CCDC146: variants seen among roughly 807,000 people sequenced by gnomAD.
CCDC146 encodes coiled-coil domain containing 146.
CCDC146 carries 92 observed loss-of-function variants against 119.3 expected under a neutral mutation model. The ratio of observed to expected loss-of-function variants is 0.77; its 90% CI spans 0.65 to 0.92. The LOEUF is 0.92. Ranked by LOEUF, CCDC146 falls within the 40% of genes least tolerant of loss-of-function variation. The pLI, the probability that CCDC146 is intolerant of heterozygous loss-of-function variation, is 0.00. For missense variants in CCDC146, 1,000 were observed against 1,103.0 expected, an observed-to-expected ratio of 0.91 and a Z score of 1.32; for synonymous variants, 372 against 371.8, an observed-to-expected ratio of 1.00 and a Z score of -0.01.
In CCDC146 at chr7:77,163,003, A is replaced by T. The variant is rs183031085; in HGVS notation, c.-11-4655A>T. 7.5e-3 allele frequency among the ~76,000 whole-genome samples: 1,137 copies of T among 152,358 alleles called. 9 individuals are homozygous for T. The highest frequency in any genetic ancestry group is 0.027 in the Middle Eastern group (8 of 294). ...ATTTAGAATGTTTTCAGAATAATAG[A>T]GATTGAAAACTTTAGCAAACTGAAG... On this transcript the variant is annotated intron_variant, in intron 1 of 18. Transcript: ENST00000285871.
chr7:77,207,679 C>G (rs900485935), intron 2 of CCDC146, among the ~76,000 whole-genome samples: 11 of 152,022 alleles, frequency 7.2e-5, no homozygotes, highest in Non-Finnish European at 1.3e-4. Context: ...TAGTGAAGAG[C>G]CTTCCAGTAA....
intron 8 of CCDC146, among the ~76,000 whole-genome samples, chr7:77,261,502 G>A (rs888879017): frequency 6.6e-6 from 1 of 152,060 alleles, no homozygotes; most frequent in South Asian, 2.1e-4. Flanking sequence ...ACGGAGTCTC[G>A]CTCTGTCGCC....
At chr7:77,172,397 C>T (rs1791436247) in intron 2 of CCDC146, among the ~76,000 whole-genome samples, 1 of 152,192 alleles carries the variant, frequency 6.6e-6, no homozygotes, top group Non-Finnish European at 1.5e-5. Flanking sequence ...CAGATGACAA[C>T]TGAAGGAAAG....
At chr7:77,262,738 T>C (rs1031565236) in intron 9 of CCDC146, among the ~76,000 whole-genome samples, 3 of 152,210 alleles carry the variant, frequency 2.0e-5, no homozygotes, top group African/African-American at 7.2e-5. Flanking sequence ...CACTTCCGAC[T>C]AGCCAAGGGC....
intron 2 of CCDC146, among the ~76,000 whole-genome samples, chr7:77,185,676 A>G (rs1355382214): frequency 1.3e-5 from 2 of 152,234 alleles, no homozygotes; most frequent in Non-Finnish European, 2.9e-5. Context: ...TAACTCTTCA[A>G]TGTCTAGTTA....
intron 1 of CCDC146, among the ~76,000 whole-genome samples, chr7:77,131,220 A>T (rs1269761921): frequency 6.6e-6 from 1 of 151,930 alleles, no homozygotes; most frequent in Non-Finnish European, 1.5e-5. Flanking sequence ...AACATATCAG[A>T]AACAGGAAAA....
chr7:77,124,069 A>G (rs186297443), intron 1 of CCDC146, among the ~76,000 whole-genome samples: 128 of 152,358 alleles, frequency 8.4e-4, no homozygotes, highest in Non-Finnish European at 1.4e-3. Context: ...CTGTAGAAAC[A>G]CTAGACATTT....
chr7:77,122,951 C>T (rs1790643659), intron 1 of CCDC146, among the ~76,000 whole-genome samples: 2 of 150,932 alleles, frequency 1.3e-5, no homozygotes, highest in African/African-American at 2.4e-5. Context: ...AGAGTACTTG[C>T]TCCGTCCTGA....
At chr7:77,213,239 ACCACTATG>A (rs1412538751) in intron 2 of CCDC146, among the ~76,000 whole-genome samples, 1 of 151,426 alleles carries the variant, frequency 6.6e-6, no homozygotes, top group Non-Finnish European at 1.5e-5. Flanking sequence ...ACAGGTGTGC[ACCACTATG>A]CTTGACTAAT....
At chr7:77,254,323 C>T (rs1057337304) in intron 4 of CCDC146, among the ~76,000 whole-genome samples, 183 bp from the exon 5 acceptor site, 8 of 152,120 alleles carry the variant, frequency 5.3e-5, no homozygotes, top group Admixed American at 1.3e-4. Context: ...GGTGGGAGTC[C>T]TGGGGAGGAG....
chr7:77,159,231 A>G (rs1240439422), intron 1 of CCDC146, among the ~76,000 whole-genome samples: 3 of 152,078 alleles, frequency 2.0e-5, no homozygotes, highest in African/African-American at 4.8e-5. Context: ...TACAGGCACT[A>G]TGCTGTCTAG....
At chr7:77,146,453 T>C (rs964248496) in intron 1 of CCDC146, among the ~76,000 whole-genome samples, 2 of 152,190 alleles carry the variant, frequency 1.3e-5, no homozygotes, top group Non-Finnish European at 2.9e-5. Flanking sequence ...CCTGTCATTA[T>C]GATGTTGGCT....
chr7:77,240,725 C>T (rs1241511345), intron 3 of CCDC146, among the ~76,000 whole-genome samples: 1 of 152,190 alleles, frequency 6.6e-6, no homozygotes, highest in Non-Finnish European at 1.5e-5. Flanking sequence ...TCCCGTCTAT[C>T]CTTCACCCAT....
intron 1 of CCDC146, among the ~76,000 whole-genome samples, chr7:77,144,214 GT>G (rs1252494371): frequency 1.3e-5 from 2 of 151,622 alleles, no homozygotes; most frequent in Admixed American, 1.3e-4. Flanking sequence ...TTGGCTCTCT[GT>G]TTGTCTGTTA....
intron 4 of CCDC146, among the ~76,000 whole-genome samples, chr7:77,243,627 A>G (rs192809239): frequency 2.2e-4 from 34 of 151,624 alleles, no homozygotes; most frequent in African/African-American, 7.2e-4. Context: ...TTTGCCTAGT[A>G]TTTACTATTC....
chr7:77,157,537 A>G (rs1195615872), intron 1 of CCDC146, among the ~76,000 whole-genome samples: 1 of 152,230 alleles, frequency 6.6e-6, no homozygotes, highest in African/African-American at 2.4e-5. Flanking sequence ...ACTGATGTGT[A>G]TTACAAAACA....
chr7:77,219,776 G>A (rs3095478), intron 2 of CCDC146, among the ~76,000 whole-genome samples: 21,344 of 152,004 alleles, frequency 0.14, 1,847 homozygotes, highest in African/African-American at 0.24. Flanking sequence ...ATCACATGTC[G>A]GCAAGTTCTG....
In CCDC146 at chr7:77,256,490, G is replaced by A. The variant is rs778238441; in HGVS notation, c.665G>A (p.Gly222Glu). The change falls in exon 6 of 19, where the codon GGA becomes GAA. Residue 222 changes from glycine to glutamate, a missense_variant. By Grantham distance (98) the Gly-to-Glu change is moderately conservative. Around this residue, in one of 2 missense-constraint regions of CCDC146, gnomAD observed 985 missense variants for 1,045.3 expected, o/e 0.94. Coordinates refer to ENST00000285871, the MANE Select transcript of CCDC146 (RefSeq NM_020879.3). ...KEQKELEELL[G>E]HQVVLKDEVA... is the part of the protein sequence containing the mutation. Reference sequence around the variant, plus strand: ...CAGAAGGAACTAGAAGAATTGTTGGGACATCAGGTCGTCCTAAAGGTGTGC... The same window carrying A: ...CAGAAGGAACTAGAAGAATTGTTGGAACATCAGGTCGTCCTAAAGGTGTGC... 1.2e-6 allele frequency: 2 copies of A among 1,606,104 alleles called. No individual in the cohort carries two copies. Among genetic ancestry groups the A allele is most frequent in the South Asian group, 2.3e-5 (2 of 88,664 alleles).
intron 2 of CCDC146, among the ~76,000 whole-genome samples, chr7:77,180,081 C>A (rs1791560248): frequency 6.6e-6 from 1 of 151,920 alleles, no homozygotes; most frequent in Non-Finnish European, 1.5e-5. Context: ...CATATAGATA[C>A]AATATACCAT....
Sources: allele counts gnomAD v4.1 joint callset (sites outside exome capture counted in the v4.1 genomes callset), GRCh38; gene constraint gnomAD v4.1.1; regional missense constraint gnomAD v4.1.1; transcripts MANE v1.5; gene names NCBI Gene and HGNC (gene_info 2026-07-23, HGNC 2026-07-21).